CADM2: variants seen among roughly 807,000 people sequenced by gnomAD.
The protein encoded by CADM2 is cell adhesion molecule 2.
A neutral mutation model predicts 49.8 loss-of-function variants in CADM2; 12 were observed. The observed-to-expected ratio is 0.24, with a 90% CI of 0.15 to 0.39. The LOEUF is 0.39. Ranked by LOEUF, CADM2 falls within the 10% of genes least tolerant of loss-of-function variation. The probability of loss-of-function intolerance (pLI) is 1.00; values close to 1 mark genes in which losing one functional copy is unlikely to be tolerated. For synonymous variants in CADM2, 214 were observed against 175.4 expected (o/e 1.22, Z -1.74); for missense variants, 378 against 492.3 (o/e 0.77, Z 2.20).
intron 1 of CADM2, among the ~76,000 whole-genome samples, chr3:85,541,806 A>G (rs1226794917): frequency 7.3e-6 from 1 of 137,894 alleles, no homozygotes; most frequent in African/African-American, 2.9e-5. Flanking sequence ...TATAGTGTTT[A>G]TGTCAGAGAC....
intron 1 of CADM2, among the ~76,000 whole-genome samples, chr3:85,085,252 C>T (rs1559652198): frequency 6.6e-6 from 1 of 152,058 alleles, no homozygotes; most frequent in African/African-American, 2.4e-5. Flanking sequence ...CTCTATTCTG[C>T]TTTCTGCTTC....
chr3:85,144,132 C>T (rs1400016223), intron 1 of CADM2, among the ~76,000 whole-genome samples: 1 of 152,076 alleles, frequency 6.6e-6, no homozygotes, highest in Non-Finnish European at 1.5e-5. Flanking sequence ...AAACTACAGA[C>T]TCTGTTAACT....
At chr3:85,491,947 CAAA>C (rs11392788) in intron 1 of CADM2, among the ~76,000 whole-genome samples, 6 of 134,596 alleles carry the variant, frequency 4.5e-5, no homozygotes, top group Non-Finnish European at 7.9e-5. Context: ...GAGACTGTCT[CAAA>C]AAAAAAAAAA....
intron 3 of CADM2, among the ~76,000 whole-genome samples, chr3:85,863,085 A>T (rs1268828493): frequency 6.6e-6 from 1 of 152,156 alleles, no homozygotes; most frequent in Non-Finnish European, 1.5e-5. Context: ...AGAAATAGGT[A>T]TAGTCTGGAG....
chr3:85,289,929 A>G (rs1022059999), intron 1 of CADM2, among the ~76,000 whole-genome samples: 2 of 152,114 alleles, frequency 1.3e-5, no homozygotes, highest in Admixed American at 1.3e-4. Context: ...GAAGTAGTAA[A>G]TGGAGGAGCC....
In CADM2 at chr3:85,588,481, T is replaced by A. The variant is rs78492492; in HGVS notation, c.62-138041T>A. On this transcript the variant is annotated intron_variant, in intron 1 of 9. Coordinates refer to ENST00000383699, the MANE Select transcript of CADM2 (RefSeq NM_001167675.2). ...CAGATCTGCATTAACATTTTATACG[T>A]TGAATTTAATAATGTATTCTTCATG... 3.6e-3 allele frequency among the ~76,000 whole-genome samples: 543 copies of A among 152,164 alleles called. 4 individuals carry two copies. The highest frequency in any genetic ancestry group is 0.013 in the African/African-American group (520 of 41,550).
At chr3:85,454,097 G>A (rs889948605) in intron 1 of CADM2, among the ~76,000 whole-genome samples, 3 of 152,102 alleles carry the variant, frequency 2.0e-5, no homozygotes, top group South Asian at 2.1e-4. Flanking sequence ...GCTCACGCCC[G>A]TAATCCAAGC....
chr3:86,017,688 A>G (rs1732464140), intron 8 of CADM2, among the ~76,000 whole-genome samples: 1 of 151,114 alleles, frequency 6.6e-6, no homozygotes, highest in Non-Finnish European at 1.5e-5. Context: ...AGACTGTGCC[A>G]CTGCACTCCA....
At chr3:86,018,235 C>T (rs1211821505) in intron 8 of CADM2, among the ~76,000 whole-genome samples, 4 of 123,564 alleles carry the variant, frequency 3.2e-5, no homozygotes, top group African/African-American at 1.3e-4. Context: ...GCATAGTATT[C>T]CATGGTGTAT....
At chr3:85,037,424 C>T (rs7648767) in intron 1 of CADM2, among the ~76,000 whole-genome samples, 3 of 152,190 alleles carry the variant, frequency 2.0e-5, no homozygotes, top group Non-Finnish European at 4.4e-5. Context: ...CACTCTTGAA[C>T]GTACAAGCTC....
chr3:85,992,005 C>A (rs1194511716), intron 8 of CADM2, among the ~76,000 whole-genome samples: 1 of 151,724 alleles, frequency 6.6e-6, no homozygotes, highest in Non-Finnish European at 1.5e-5. Flanking sequence ...TAAACATATT[C>A]AAGATTAGGC....
At chr3:85,401,285 C>A (rs1408711483) in intron 1 of CADM2, among the ~76,000 whole-genome samples, 1 of 152,146 alleles carries the variant, frequency 6.6e-6, no homozygotes, top group African/African-American at 2.4e-5. Context: ...TCACTCATGG[C>A]AGTGTCTTAG....
chr3:85,789,130 T>A (rs563717933), intron 2 of CADM2, among the ~76,000 whole-genome samples: 1 of 152,144 alleles, frequency 6.6e-6, no homozygotes, highest in Non-Finnish European at 1.5e-5. Context: ...GATTATTGTA[T>A]GCTCAGCACT....
intron 1 of CADM2, among the ~76,000 whole-genome samples, chr3:85,670,898 T>A (rs555623228): frequency 1.3e-5 from 2 of 152,282 alleles, no homozygotes; most frequent in South Asian, 4.1e-4. Context: ...TTCCCAAGTT[T>A]AATTGCTTGG....
At chr3:84,987,956 C>T (rs192134984) in intron 1 of CADM2, among the ~76,000 whole-genome samples, 1 of 152,260 alleles carries the variant, frequency 6.6e-6, no homozygotes, top group Admixed American at 6.5e-5. Flanking sequence ...TGAACACAGC[C>T]CTCGTATAGG....
intron 1 of CADM2, among the ~76,000 whole-genome samples, chr3:85,664,669 C>G (rs62261689): frequency 0.21 from 31,431 of 151,840 alleles, 3,727 homozygotes; most frequent in East Asian, 0.53. Context: ...CTTAAGGCAG[C>G]CAGAGTGCTT....
At chr3:85,194,763 TTACA>T (rs557866647) in intron 1 of CADM2, among the ~76,000 whole-genome samples, 334 of 152,150 alleles carry the variant, frequency 2.2e-3, no homozygotes, top group African/African-American at 7.9e-3. Flanking sequence ...AGCAGCATTC[TTACA>T]TAGATTAAGA....
At chr3:86,032,975 AC>A (rs1233748166) in intron 8 of CADM2, among the ~76,000 whole-genome samples, 1 of 151,818 alleles carries the variant, frequency 6.6e-6, no homozygotes, top group African/African-American at 2.4e-5. Flanking sequence ...CTCTATAGCA[AC>A]CTTTATCAAT....
intron 1 of CADM2, among the ~76,000 whole-genome samples, chr3:85,112,483 T>C (rs1351747471): frequency 6.6e-6 from 1 of 151,846 alleles, no homozygotes. Flanking sequence ...TATTCCTCTG[T>C]ACTTCAGCTG....
Sources: allele counts gnomAD v4.1 joint callset (sites outside exome capture counted in the v4.1 genomes callset), GRCh38; gene constraint gnomAD v4.1.1; transcripts MANE v1.5; gene names NCBI Gene and HGNC (gene_info 2026-07-23, HGNC 2026-07-21).